Variants in PTPN18 observed in about 807,000 individuals in gnomAD.
PTPN18 encodes the protein tyrosine-protein phosphatase non-receptor type 18.
Under a neutral mutation model 65.4 loss-of-function variants are expected in PTPN18, and 65 were observed. The ratio of observed to expected loss-of-function variants is 0.99; its 90% confidence interval spans 0.81 to 1.22. PTPN18 has a LOEUF of 1.22. PTPN18 is among the 50% of genes most tolerant of loss of function. The pLI, the probability that PTPN18 is intolerant of heterozygous loss-of-function variation, is 0.00. For synonymous variants in PTPN18, 255 were observed against 267.8 expected (o/e 0.95, Z 0.47); for missense variants, 616 against 646.5 (o/e 0.95, Z 0.51).
At chr2:130,367,851 AG>A (rs1680436063) in intron 5 of PTPN18, among the ~76,000 whole-genome samples, 1 of 152,034 alleles carries the variant, frequency 6.6e-6, no homozygotes, top group Non-Finnish European at 1.5e-5. Flanking sequence ...CTTTACATAA[AG>A]TTTCTGTTAT....
intron 5 of PTPN18, among the ~76,000 whole-genome samples, chr2:130,366,399 G>A (rs1161685969): frequency 2.6e-5 from 4 of 152,170 alleles, no homozygotes; most frequent in African/African-American, 9.7e-5. Flanking sequence ...ATGATCGTGT[G>A]TTTTGTATTC....
chr2:130,374,770 G>C lies in PTPN18; in HGVS notation c.*1546G>C, dbSNP rs1680692395. The C allele has an allele frequency of 4.4e-6, 2 of 455,992 alleles. No homozygotes were observed. Among genetic ancestry groups the C allele is most frequent in the South Asian group, 3.1e-5 (2 of 64,134 alleles). The allele number at this position is 455,992 out of a possible 1,614,324, so 28.2% of individuals were successfully genotyped here. A position where few individuals can be genotyped will look rare whatever the true frequency, so the allele number is the denominator to read the frequency against. On this transcript the variant is annotated 3_prime_UTR_variant, in exon 15 of 15. Coordinates refer to ENST00000175756, the MANE Select transcript of PTPN18 (RefSeq NM_014369.4). ...CCCTGTCCTGCCCTTCTCTGGGATA[G>C]GGCTGGCCTTCCTCTGCCTCTGCCT...
chr2:130,361,024 G>C lies in PTPN18; in HGVS notation c.414+1378G>C, dbSNP rs537753754. ...TTCATTTTCTACTTTAATTTCAAGT[G>C]TACTTGAAAACAATGTGTATTCTGC... On this transcript the variant is annotated intron_variant, in intron 5 of 14. Coordinates refer to ENST00000175756, the MANE Select transcript of PTPN18 (RefSeq NM_014369.4). Among the ~76,000 whole-genome samples the C allele has an allele frequency of 4.6e-5, 7 of 152,244 alleles. No homozygotes were observed. The East Asian group carries it at 1.3e-3, about 29-fold the overall frequency.
In PTPN18 at chr2:130,373,293, G is replaced by A; in HGVS notation, c.*69G>A. On this transcript the variant is annotated 3_prime_UTR_variant, in exon 15 of 15. Coordinates refer to ENST00000175756, the MANE Select transcript of PTPN18 (RefSeq NM_014369.4). This position sits in a 1 kb window ranked among gnomAD's most constrained non-coding sequence, Gnocchi z 4.1. ...TGCTGATGCCCCGGTGCTGCTGAGC[G>A]CCGTGCGCAGAATGGAAACAGTGGG... The A allele has an allele frequency of 1.4e-6, 2 of 1,386,684 alleles. No individual in the cohort carries two copies. The highest frequency in any genetic ancestry group is 1.5e-5 in the African/African-American group (1 of 68,718). The allele number at this position is 1,386,684 out of a possible 1,614,324, so 85.9% of individuals were successfully genotyped here. A position where few individuals can be genotyped will look rare whatever the true frequency, so the allele number is the denominator to read the frequency against.
chr2:130,356,172 AG>A lies in PTPN18; in HGVS notation c.70del (p.Ala24GlnfsTer34). 3 of 1,311,572 alleles carry A rather than the reference AG, an allele frequency of 2.3e-6. No individual in the cohort carries two copies. Among genetic ancestry groups the A allele is most frequent in the Admixed American group, 4.1e-5 (1 of 24,168 alleles). 81.2% of individuals were successfully genotyped at this position (1,311,572 alleles called of 1,614,324 possible). A position where few individuals can be genotyped will look rare whatever the true frequency, so the allele number is the denominator to read the frequency against. Reference sequence around the variant, plus strand: ...CGGCTGGAAGCGCGGGGCGGCCGGGAGGGGGCAGTCCTCGCCGGCGAGTTCA... The same window carrying A: ...CGGCTGGAAGCGCGGGGCGGCCGGGAGGGGCAGTCCTCGCCGGCGAGTTCA... ...LERLEARGGR[E>X]GAVLAGEFSD... On this transcript the variant is annotated frameshift_variant, in exon 1 of 15. Coordinates refer to ENST00000175756, the MANE Select transcript of PTPN18 (RefSeq NM_014369.4). LOFTEE classifies it high-confidence loss of function.
At chr2:130,364,903 G>A (rs1680334323) in intron 5 of PTPN18, among the ~76,000 whole-genome samples, 1 of 152,204 alleles carries the variant, frequency 6.6e-6, no homozygotes. Context: ...TGGATCATAT[G>A]ATAACGCTAT....
chr2:130,374,976 G>A lies in PTPN18; in HGVS notation c.*1752G>A. The A allele has an allele frequency of 1.2e-5, 3 of 259,094 alleles. No individual in the cohort carries two copies. In the South Asian group the frequency reaches 1.2e-4, roughly 11 times the overall value. The allele number at this position is 259,094 out of a possible 1,614,324, so 16.0% of individuals were successfully genotyped here. A position where few individuals can be genotyped will look rare whatever the true frequency, so the allele number is the denominator to read the frequency against. On this transcript the variant is annotated 3_prime_UTR_variant, in exon 15 of 15. Transcript: ENST00000175756. ...GGAGGCTTGGGTTTGGGTGCCCACA[G>A]TGGGAGCTGGTGTGATATCATACCT...
intron 8 of PTPN18, 78 bp from the exon 9 acceptor site, chr2:130,370,479 C>T (rs1680522118): frequency 2.0e-6 from 3 of 1,528,504 alleles, no homozygotes; most frequent in African/African-American, 1.4e-5. Flanking sequence ...TCAGGACCCT[C>T]ACCCCCATCC....
In PTPN18 at chr2:130,374,012, G is replaced by T; in HGVS notation, c.*788G>T. 1 of 152,674 alleles carries T rather than the reference G, an allele frequency of 6.5e-6. No homozygotes were observed. The highest frequency in any genetic ancestry group is 1.5e-5 in the Non-Finnish European group (1 of 68,490). The allele number at this position is 152,674 out of a possible 1,614,324, so 9.5% of individuals were successfully genotyped here. On this transcript the variant is annotated 3_prime_UTR_variant, in exon 15 of 15. Transcript: ENST00000175756. ...GGGCTGGCTGGCTGACAGACCTTCT[G>T]GCCAGACAGACTCCTAACCAACCAG...
chr2:130,366,045 T>G (rs1680369938), intron 5 of PTPN18, among the ~76,000 whole-genome samples: 1 of 152,232 alleles, frequency 6.6e-6, no homozygotes. Flanking sequence ...TTTTGGCTAT[T>G]TTGGGTAGGT....
intron 1 of PTPN18, among the ~76,000 whole-genome samples, chr2:130,357,223 C>T (rs1301032801): frequency 6.6e-6 from 1 of 151,954 alleles, no homozygotes; most frequent in East Asian, 1.9e-4. Flanking sequence ...CAAAACAAAA[C>T]CAAACAAAAA....
Position 130,371,290 on chromosome 2 carries a change from A to C in PTPN18, c.1013+3A>C, listed in dbSNP as rs759861456. ...CGCCCACCAGGAGGGGTCCTCAGGT[A>C]CCCGGCTCCATCCCCGGATTCTTCC... is the stretch of plus-strand genomic sequence containing the variant. On this transcript the variant is annotated splice_donor_region_variant and intron_variant, in intron 12 of 14. Transcript: ENST00000175756. The C allele has an allele frequency of 1.0e-5, 16 of 1,577,726 alleles. No individual in the cohort carries two copies. The highest frequency in any genetic ancestry group is 1.3e-5 in the Non-Finnish European group (15 of 1,154,256).
rs868322358 is a variant in PTPN18 at position 130,362,007 on chromosome 2, A to C, written c.414+2361A>C. On this transcript the variant is annotated intron_variant, in intron 5 of 14. Transcript: ENST00000175756. ...GTATTGTAGGGACTTTTTTTTTTTA[A>C]GACAGAGGGGAATGGAGTGGTGCAA... 7.8e-5 allele frequency: 27 copies of C among 345,194 alleles called. No individual in the cohort carries two copies. In the Middle Eastern group the frequency reaches 8.8e-3, roughly 113 times the overall value. The allele number at this position is 345,194 out of a possible 1,614,324, so 21.4% of individuals were successfully genotyped here.
rs760240784 is a variant in PTPN18, at chr2:130,371,200, A to C, written c.926A>C (p.Asn309Thr). ...GCCTCCCCTCCTGTTTTTCTTCAGA[A>C]TTGTGCCCCACTCTACGACGATGCC... ...ASPHYQNIKE[N>T]CAPLYDDALF... is the part of the protein sequence containing the mutation. The change falls in exon 12 of 15, where the codon AAT (asparagine) becomes ACT (threonine). Residue 309 changes from asparagine (N) to threonine (T), a missense_variant and splice_region_variant. Asn to Thr is a moderately conservative substitution (Grantham distance 65, BLOSUM62 0). This residue lies in a region of PTPN18 where 368 missense variants were observed against 386.7 expected (regional missense o/e 0.95). Coordinates refer to ENST00000175756, the MANE Select transcript of PTPN18 (RefSeq NM_014369.4). 3.7e-6 allele frequency: 6 copies of C among 1,605,096 alleles called. No homozygotes were observed. In the East Asian group the frequency reaches 1.3e-4, roughly 36 times the overall value.
Position 130,370,796 on chromosome 2 carries a change from C to G in PTPN18, c.834+14C>G, listed in dbSNP as rs755945408. 6.8e-6 allele frequency: 11 copies of G among 1,613,348 alleles called. No homozygotes were observed. Among genetic ancestry groups the G allele is most frequent in the Non-Finnish European group, 9.3e-6 (11 of 1,179,408 alleles). ...GTGCAGACAGAGGTGAACCCTGGGT[C>G]TCCTAATCTTCAGGGACAGTGGCCC... On this transcript the variant is annotated intron_variant, in intron 10 of 14. Coordinates refer to ENST00000175756, the MANE Select transcript of PTPN18 (RefSeq NM_014369.4).
chr2:130,372,564 G>A lies in PTPN18; in HGVS notation c.1240+81G>A. 12 of 1,392,610 alleles carry A rather than the reference G, an allele frequency of 8.6e-6. No individual in the cohort carries two copies. The South Asian group carries it at 9.4e-5, about 11-fold the overall frequency. 86.3% of individuals were successfully genotyped at this position (1,392,610 alleles called of 1,614,324 possible). A position where few individuals can be genotyped will look rare whatever the true frequency, so the allele number is the denominator to read the frequency against. ...GAACCATCCTGCAGTGGTCCGTCAG[G>A]CCCTGGCGGCCGCGGGGACCCCAGC... On this transcript the variant is annotated intron_variant, in intron 13 of 14. Coordinates refer to ENST00000175756, the MANE Select transcript of PTPN18 (RefSeq NM_014369.4).
rs757390238 is a variant in PTPN18 at position 130,359,242 on chromosome 2, C to T, written c.212C>T (p.Thr71Met). Residue 71 changes from threonine to methionine, a missense_variant, in exon 3 of 15, where the codon ACG (threonine) becomes ATG (methionine). This residue lies in a region of PTPN18 where 223 missense variants were observed against 210.0 expected (regional missense o/e 1.06). Coordinates refer to ENST00000175756, the MANE Select transcript of PTPN18 (RefSeq NM_014369.4). ...RYKDVLPYDQ[T>M]RVILSLLQEE... The stretch of plus-strand genomic sequence containing the variant: ...CCTTATCTGCTGACAGATGATCAGA[C>T]GCGAGTAATCCTCTCCCTGCTCCAG... The T allele has an allele frequency of 9.3e-6, 15 of 1,613,916 alleles. 1 individual carries two copies. The South Asian group carries it at 1.1e-4, about 12-fold the overall frequency.
At chr2:130,364,892 C>A (rs1305573636) in intron 5 of PTPN18, among the ~76,000 whole-genome samples, 1 of 152,202 alleles carries the variant, frequency 6.6e-6, no homozygotes, top group Non-Finnish European at 1.5e-5. Flanking sequence ...CATGGAATTG[C>A]TGGATCATAT....
At chr2:130,357,379 A>C (rs527921082) in intron 1 of PTPN18, among the ~76,000 whole-genome samples, 3 of 152,350 alleles carry the variant, frequency 2.0e-5, no homozygotes, top group Admixed American at 2.0e-4. Context: ...CAAACGCATA[A>C]ACTGATATAT....
Sources: gnomAD v4.1 joint callset for allele counts (sites outside exome capture counted in the v4.1 genomes callset) on GRCh38, gnomAD v4.1.1 for gene constraint, gnomAD v4.1.1 regional missense constraint, Gnocchi (gnomAD v3.1) non-coding constraint, MANE v1.5 for transcripts, NCBI Gene and HGNC (gene_info 2026-07-23, HGNC 2026-07-21) for gene names.